Variants in SAMD7 observed in about 807,000 individuals in gnomAD.
SAMD7 encodes sterile alpha motif domain-containing protein 7.
In SAMD7, 34 loss-of-function variants were observed where a neutral mutation model predicts 36.7. The ratio of observed to expected loss-of-function variants is 0.93; its 90% CI spans 0.71 to 1.23. The LOEUF (loss-of-function observed/expected upper bound fraction) is 1.23. Among genes scored for constraint, SAMD7 ranks in the 50% most tolerant of loss-of-function variants. The pLI is 0.00. For missense variants in SAMD7, 570 were observed against 546.6 expected (o/e 1.04, Z -0.43); for synonymous variants, 188 against 189.7 (o/e 0.99, Z 0.07).
rs73040228 is a variant in SAMD7 at position 169,913,782 on chromosome 3, G to A, written c.-116-1585G>A. ...CTACATGTGTCTAAAATAGAAAGGG[G>A]TGCCCTGAAAATATGAAAGTTCACA... On this transcript the variant is annotated intron_variant, in intron 1 of 8. Transcript: ENST00000335556. 8.0e-3 allele frequency among the ~76,000 whole-genome samples: 1,221 copies of A among 152,230 alleles called. 17 individuals are homozygous for A. Among genetic ancestry groups the A allele is most frequent in the South Asian group, 0.02 (96 of 4,826 alleles).
intron 6 of SAMD7, among the ~76,000 whole-genome samples, 176 bp downstream of exon 6, chr3:169,927,357 C>T (rs1400227027): frequency 7.4e-6 from 1 of 135,422 alleles, no homozygotes; most frequent in African/African-American, 2.8e-5. Context: ...TGCAGTGGCG[C>T]GATCTCGGCT....
chr3:169,922,995 A>G (rs1713112757), intron 4 of SAMD7, among the ~76,000 whole-genome samples: 1 of 152,210 alleles, frequency 6.6e-6, no homozygotes, highest in Admixed American at 6.5e-5. Context: ...CGTGTTGGTG[A>G]AAACATGACT....
chr3:169,927,065 C>G lies in SAMD7; in HGVS notation c.803C>G (p.Thr268Ser), dbSNP rs761594930. The change falls in exon 6 of 9, where the codon ACT becomes AGT. Residue 268 changes from threonine (T) to serine (S), a missense_variant. Physicochemically the swap from Thr to Ser is moderately conservative, Grantham distance 58. Transcript: ENST00000335556. ...AGGAAACCCTGGGGGTCTCACACCA[C>G]TACCCTGAAAGCAAAGGCCTGGGAC... ...THRKPWGSHT[T>S]TLKAKAWDDG... is the part of the protein sequence containing the mutation. 2 of 1,611,688 alleles carry G rather than the reference C, an allele frequency of 1.2e-6. No homozygotes were observed.
chr3:169,932,438 C>A (rs977137343), intron 7 of SAMD7: 2 of 614,554 alleles, frequency 3.3e-6, no homozygotes, highest in South Asian at 1.4e-5. Context: ...ATGATAGACA[C>A]AATGCGGAGG....
At chr3:169,926,242 G>GT (rs1469888090) in intron 5 of SAMD7, 1 of 1,329,962 alleles carries the variant, frequency 7.5e-7, no homozygotes, top group African/African-American at 1.5e-5. Flanking sequence ...AGTACTTTAG[G>GT]TTTTTTGAGG....
At chr3:169,913,997 G>A (rs1211632134) in intron 1 of SAMD7, among the ~76,000 whole-genome samples, 1 of 152,174 alleles carries the variant, frequency 6.6e-6, no homozygotes, top group Non-Finnish European at 1.5e-5. Flanking sequence ...ATAGGGCAGT[G>A]CAACTATTCT....
intron 6 of SAMD7, among the ~76,000 whole-genome samples, 190 bp downstream of exon 6, chr3:169,927,371 T>A (rs1713320240): frequency 7.6e-6 from 1 of 132,124 alleles, no homozygotes; most frequent in Non-Finnish European, 1.6e-5. Context: ...CTCGGCTCAC[T>A]GCAACCTCCG....
At chr3:169,924,438 T>C (rs566631198) in intron 4 of SAMD7, among the ~76,000 whole-genome samples, 53 of 151,810 alleles carry the variant, frequency 3.5e-4, no homozygotes, top group African/African-American at 1.3e-3. Context: ...AATACAAAAA[T>C]TAGCTGGGTG....
intron 7 of SAMD7, chr3:169,933,075 G>A (rs1448449756): frequency 1.1e-6 from 1 of 909,988 alleles, no homozygotes; most frequent in South Asian, 1.3e-5. Flanking sequence ...CTTAAAATCT[G>A]CCATGGCCCA....
At chr3:169,931,335 C>T (rs1713486629) in intron 7 of SAMD7, among the ~76,000 whole-genome samples, 1 of 152,178 alleles carries the variant, frequency 6.6e-6, no homozygotes, top group South Asian at 2.1e-4. Context: ...TATGTGTCCT[C>T]GCCCCAGGCC....
At position 169,938,398 on chromosome 3, in the gene SAMD7, T is replaced by C. The variant is rs1396175591; in HGVS notation, c.1233T>C (p.Asp411=). 1 of 1,609,758 alleles carries C rather than the reference T, an allele frequency of 6.2e-7. No individual in the cohort carries two copies. Among genetic ancestry groups the C allele is most frequent in the Non-Finnish European group, 8.5e-7 (1 of 1,176,118 alleles). ...PIRQAFDQPA[D]TSPLLDPNSW... Reference sequence around the variant, plus strand: ...GACAAGCATTTGATCAACCAGCAGATACATCCCCTCTTCTGGATCCTAATT... The same window carrying C: ...GACAAGCATTTGATCAACCAGCAGACACATCCCCTCTTCTGGATCCTAATT... Residue 411 remains aspartate (D), a synonymous_variant, in exon 9 of 9, where the codon GAT becomes GAC. Coordinates refer to ENST00000335556, the MANE Select transcript of SAMD7 (RefSeq NM_001304366.2).
intron 1 of SAMD7, among the ~76,000 whole-genome samples, chr3:169,914,623 A>G (rs1474872470): frequency 6.6e-6 from 1 of 152,226 alleles, no homozygotes; most frequent in Non-Finnish European, 1.5e-5. Context: ...AAAGAAAGCA[A>G]GCCAGACCCA....
intron 3 of SAMD7, 83 bp from the exon 4 acceptor site, chr3:169,921,131 A>G: frequency 7.6e-7 from 1 of 1,309,962 alleles, no homozygotes. Flanking sequence ...TATGGCAATA[A>G]CAAAATCTCA....
intron 3 of SAMD7, 62 bp downstream of exon 3, chr3:169,919,646 A>C: frequency 7.7e-7 from 1 of 1,301,030 alleles, no homozygotes; most frequent in Non-Finnish European, 1.1e-6. Context: ...TACGTTTTGG[A>C]ATGATGTTAA....
At chr3:169,936,245 A>C in intron 7 of SAMD7, 94 bp from the exon 8 acceptor site, 1 of 780,824 alleles carries the variant, frequency 1.3e-6, no homozygotes, top group East Asian at 2.6e-5. Flanking sequence ...AAGCAGTCTT[A>C]ATGTTTTCTC....
intron 8 of SAMD7, among the ~76,000 whole-genome samples, chr3:169,937,895 A>G (rs1394313720): frequency 6.6e-6 from 1 of 152,200 alleles, no homozygotes; most frequent in Non-Finnish European, 1.5e-5. Flanking sequence ...TTCACAAAAC[A>G]GTAAAAGTGG....
At chr3:169,916,256 C>G (rs911878617) in intron 2 of SAMD7, among the ~76,000 whole-genome samples, 2 of 152,112 alleles carry the variant, frequency 1.3e-5, no homozygotes, top group Non-Finnish European at 2.9e-5. Flanking sequence ...TAGTGGTTGC[C>G]AGAGGCTAGG....
At chr3:169,920,326 G>A (rs1412579112) in intron 3 of SAMD7, among the ~76,000 whole-genome samples, 1 of 152,222 alleles carries the variant, frequency 6.6e-6, no homozygotes, top group Non-Finnish European at 1.5e-5. Context: ...CTGGCTTACA[G>A]GCAGACACCT....
intron 7 of SAMD7, chr3:169,932,960 C>G: frequency 1.4e-6 from 1 of 690,920 alleles, no homozygotes; most frequent in Non-Finnish European, 2.7e-6. Context: ...GAACCCCTTG[C>G]TGGATGAAAG....
Sources: allele counts gnomAD v4.1 joint callset (sites outside exome capture counted in the v4.1 genomes callset), GRCh38; gene constraint gnomAD v4.1.1; transcripts MANE v1.5; gene names NCBI Gene and HGNC (gene_info 2026-07-23, HGNC 2026-07-21).